The following HS3ST4 variants were observed in gnomAD, a reference collection of about 807,000 sequenced individuals.
HS3ST4 encodes the protein heparan sulfate-glucosamine 3-sulfotransferase 4.
In HS3ST4, 17 loss-of-function variants were observed where a neutral mutation model predicts 29.2. The ratio of observed to expected loss-of-function variants is 0.58; its 90% confidence interval spans 0.40 to 0.87. The LOEUF is 0.87. Among genes scored for constraint, HS3ST4 ranks in the 40% least tolerant of loss-of-function variants. The pLI is 0.00. For missense variants in HS3ST4, 627 were observed against 634.5 expected, an observed-to-expected ratio of 0.99 and a Z score of 0.13; for synonymous variants, 314 against 285.7, an observed-to-expected ratio of 1.10 and a Z score of -1.00.
At chr16:25,823,651 C>T (rs1164175905) in intron 1 of HS3ST4, among the ~76,000 whole-genome samples, 1 of 152,198 alleles carries the variant, frequency 6.6e-6, no homozygotes, top group Non-Finnish European at 1.5e-5. Flanking sequence ...ACCTCCACCT[C>T]CCAGGTTCAA....
chr16:25,828,176 CTCTT>C lies in HS3ST4; in HGVS notation c.734+135029_734+135032del, dbSNP rs1567249222. 5.7e-5 allele frequency among the ~76,000 whole-genome samples: 8 copies of C among 139,248 alleles called. No individual in the cohort carries two copies. The South Asian group carries it at 1.0e-3, about 18-fold the overall frequency. 91.4% of individuals were successfully genotyped at this position (139,248 alleles called of 152,430 possible). A position where few individuals can be genotyped will look rare whatever the true frequency, so the allele number is the denominator to read the frequency against. On this transcript the variant is annotated intron_variant, in intron 1 of 1. Transcript: ENST00000331351. ...CCTTTCCTTTCCTTCCTTTCTCTCTCTCTTTCTCTTTCTTTCTTTTCTTTCTTTC... is the reference window on the plus strand; with the variant it reads ...CCTTTCCTTTCCTTCCTTTCTCTCTCTCTCTTTCTTTCTTTTCTTTCTTTC...
intron 1 of HS3ST4, among the ~76,000 whole-genome samples, chr16:25,979,507 C>G (rs1968981246): frequency 6.6e-6 from 1 of 152,292 alleles, no homozygotes; most frequent in East Asian, 1.9e-4. Context: ...TGCAAGGGAT[C>G]TAGGTTACAG....
chr16:25,970,716 G>T (rs77318592), intron 1 of HS3ST4, among the ~76,000 whole-genome samples: 5,637 of 152,068 alleles, frequency 0.037, 385 homozygotes, highest in African/African-American at 0.13. Context: ...ATGGACACTT[G>T]CTTGTTGTCT....
intron 1 of HS3ST4, among the ~76,000 whole-genome samples, chr16:25,809,134 A>G (rs1298145815): frequency 2.0e-5 from 3 of 152,074 alleles, no homozygotes; most frequent in African/African-American, 7.2e-5. Context: ...ACTATATTGA[A>G]TAAGAGTGGT....
chr16:25,698,028 T>C (rs920091000), intron 1 of HS3ST4, among the ~76,000 whole-genome samples: 1 of 152,132 alleles, frequency 6.6e-6, no homozygotes, highest in Non-Finnish European at 1.5e-5. Context: ...GCTGTCTGGA[T>C]CTCACTTTGA....
chr16:25,719,472 G>C (rs1423271615), intron 1 of HS3ST4, among the ~76,000 whole-genome samples: 2 of 152,194 alleles, frequency 1.3e-5, no homozygotes, highest in East Asian at 3.8e-4. Context: ...CAGTGACTTA[G>C]GACATTTAGA....
At chr16:25,850,338 A>G (rs751553834) in intron 1 of HS3ST4, among the ~76,000 whole-genome samples, 6 of 152,098 alleles carry the variant, frequency 3.9e-5, no homozygotes, top group Non-Finnish European at 7.4e-5. Flanking sequence ...AAAATTCTGT[A>G]TGGGCTGGGA....
chr16:25,883,040 AT>A (rs890634368), intron 1 of HS3ST4, among the ~76,000 whole-genome samples: 1 of 151,574 alleles, frequency 6.6e-6, no homozygotes, highest in Non-Finnish European at 1.5e-5. Flanking sequence ...TCCTCTCTGT[AT>A]TTTTATTATT....
intron 1 of HS3ST4, among the ~76,000 whole-genome samples, chr16:25,819,460 G>A (rs1474845526): frequency 1.3e-5 from 2 of 152,156 alleles, no homozygotes; most frequent in African/African-American, 4.8e-5. Context: ...CCCCCTGGAA[G>A]TCTTAAGCCC....
chr16:25,741,365 TAA>T (rs66788248), intron 1 of HS3ST4, among the ~76,000 whole-genome samples: 37 of 66,190 alleles, frequency 5.6e-4, no homozygotes, highest in East Asian at 3.6e-3. Flanking sequence ...GAATTCAAGG[TAA>T]AAAAAAAAAA....
intron 1 of HS3ST4, among the ~76,000 whole-genome samples, chr16:25,819,620 C>T (rs8049356): frequency 0.26 from 39,960 of 151,992 alleles, 5,682 homozygotes; most frequent in African/African-American, 0.31. Context: ...GTCAACTCCG[C>T]TAGACACGTC....
intron 1 of HS3ST4, among the ~76,000 whole-genome samples, chr16:25,699,995 C>T (rs1040429886): frequency 1.3e-5 from 2 of 152,030 alleles, no homozygotes; most frequent in Admixed American, 1.3e-4. Flanking sequence ...CCTTCAATGC[C>T]TTCCTTTATC....
chr16:25,979,656 T>C (rs1182329429), intron 1 of HS3ST4, among the ~76,000 whole-genome samples: 3 of 152,230 alleles, frequency 2.0e-5, no homozygotes, highest in Non-Finnish European at 4.4e-5. Context: ...TATTTCATTA[T>C]ATATTACAAC....
Position 26,024,683 on chromosome 16 carries a change from G to T in HS3ST4, c.735-110929G>T, listed in dbSNP as rs150337154. Among the ~76,000 whole-genome samples the T allele has an allele frequency of 2.0e-5, 3 of 152,314 alleles. No individual in the cohort carries two copies. In the East Asian group the frequency reaches 5.8e-4, roughly 29 times the overall value. On this transcript the variant is annotated intron_variant, in intron 1 of 1. Coordinates refer to ENST00000331351, the MANE Select transcript of HS3ST4 (RefSeq NM_006040.3). ...GGAGGCAGAGACTGCAGTGAGCCAA[G>T]ATCGTGCCACTGCCCTCCAGCCTGG...
At chr16:25,817,996 C>T (rs1053038863) in intron 1 of HS3ST4, among the ~76,000 whole-genome samples, 4 of 152,178 alleles carry the variant, frequency 2.6e-5, no homozygotes, top group African/African-American at 9.7e-5. Flanking sequence ...GTCATAAAAT[C>T]CTTGTCTTGA....
intron 1 of HS3ST4, among the ~76,000 whole-genome samples, chr16:25,936,283 G>A (rs919920365): frequency 6.6e-6 from 1 of 152,170 alleles, no homozygotes; most frequent in Non-Finnish European, 1.5e-5. Context: ...GTGATTTGGT[G>A]GGGACCTAGA....
intron 1 of HS3ST4, among the ~76,000 whole-genome samples, chr16:25,795,451 C>T (rs1179636759): frequency 6.6e-6 from 1 of 152,058 alleles, no homozygotes; most frequent in African/African-American, 2.4e-5. Flanking sequence ...TATTTTATTC[C>T]TTTTTATTTA....
chr16:25,847,607 A>C (rs1417479254), intron 1 of HS3ST4, among the ~76,000 whole-genome samples: 1 of 152,140 alleles, frequency 6.6e-6, no homozygotes, highest in Non-Finnish European at 1.5e-5. Context: ...GTCACTCCTG[A>C]ATATATAGTT....
At chr16:25,823,150 C>T (rs962611412) in intron 1 of HS3ST4, among the ~76,000 whole-genome samples, 25 of 152,150 alleles carry the variant, frequency 1.6e-4, no homozygotes, top group African/African-American at 6.0e-4. Flanking sequence ...AGGAAAGATT[C>T]CCAGAAATAT....
Sources: allele counts gnomAD v4.1 joint callset (sites outside exome capture counted in the v4.1 genomes callset), GRCh38; gene constraint gnomAD v4.1.1; transcripts MANE v1.5; gene names NCBI Gene and HGNC (gene_info 2026-07-23, HGNC 2026-07-21).